The following SAMD5 variants were observed in gnomAD, a reference collection of about 807,000 sequenced individuals.
The protein encoded by SAMD5 is sterile alpha motif domain containing 5, also known as sterile alpha motif domain-containing protein 5.
In SAMD5, 13 loss-of-function variants were observed where a neutral mutation model predicts 11.3. The observed-to-expected ratio is 1.15, with a 90% CI of 0.75 to 1.83. The LOEUF is 1.83. Among genes scored for constraint, SAMD5 ranks in the 40% most tolerant of loss-of-function variants. The probability of loss-of-function intolerance (pLI) is 0.00; values close to 1 mark genes in which losing one functional copy is unlikely to be tolerated. For missense variants in SAMD5, 255 were observed against 239.1 expected, an observed-to-expected ratio of 1.07 and a Z score of -0.44; for synonymous variants, 129 against 111.3, an observed-to-expected ratio of 1.16 and a Z score of -1.00.
At chr6:147,540,506 G>C (rs1788582739) in intron 1 of SAMD5, among the ~76,000 whole-genome samples, 1 of 152,184 alleles carries the variant, frequency 6.6e-6, no homozygotes, top group Non-Finnish European at 1.5e-5. Flanking sequence ...GAACAAGACA[G>C]AGGAATTTCA....
chr6:147,921,425 C>A, the SAMD5 span, among the ~76,000 whole-genome samples: 1 of 152,218 alleles, frequency 6.6e-6, no homozygotes. Context: ...TTAGTGCCGC[C>A]ACCACAGCCC....
At chr6:147,652,625 T>G (rs1230672571) in intron 1 of SAMD5, among the ~76,000 whole-genome samples, 1 of 152,176 alleles carries the variant, frequency 6.6e-6, no homozygotes, top group Non-Finnish European at 1.5e-5. Flanking sequence ...GCTCCTCATC[T>G]CGGATCCCTA....
At chr6:147,765,455 C>G in the SAMD5 span, among the ~76,000 whole-genome samples, 1 of 152,128 alleles carries the variant, frequency 6.6e-6, no homozygotes, top group Non-Finnish European at 1.5e-5. Flanking sequence ...CCTCTTCAAA[C>G]CCACCTAACA....
intron 1 of SAMD5, among the ~76,000 whole-genome samples, chr6:147,583,674 T>G (rs1789333002): frequency 6.6e-6 from 1 of 152,156 alleles, no homozygotes; most frequent in African/African-American, 2.4e-5. Context: ...TGTACTGAAA[T>G]GAGAAAATAC....
chr6:147,603,439 C>T (rs1336243849), intron 1 of SAMD5, among the ~76,000 whole-genome samples: 2 of 152,136 alleles, frequency 1.3e-5, no homozygotes, highest in East Asian at 1.9e-4. Flanking sequence ...TAGAGTCAGA[C>T]ATTCCCCAAA....
chr6:147,920,822 C>T, the SAMD5 span, among the ~76,000 whole-genome samples: 4 of 152,040 alleles, frequency 2.6e-5, no homozygotes, highest in South Asian at 2.1e-4. Context: ...AGGAACAATA[C>T]GAAAACACTG....
the SAMD5 span, among the ~76,000 whole-genome samples, chr6:147,747,188 T>C: frequency 6.6e-6 from 1 of 152,148 alleles, no homozygotes; most frequent in East Asian, 1.9e-4. Flanking sequence ...TCTCACAACA[T>C]TTGAATATGA....
At chr6:147,918,751 G>A in the SAMD5 span, among the ~76,000 whole-genome samples, 1 of 138,256 alleles carries the variant, frequency 7.2e-6, no homozygotes, top group Non-Finnish European at 1.5e-5. Context: ...AGGCTGAAAT[G>A]CAGTGGCGTG....
intron 1 of SAMD5, among the ~76,000 whole-genome samples, chr6:147,710,079 T>C (rs1562357222): frequency 6.6e-6 from 1 of 152,214 alleles, no homozygotes; most frequent in Non-Finnish European, 1.5e-5. Flanking sequence ...CAGTCAGAAA[T>C]ACCTGCAGTT....
At chr6:147,935,089 A>G in the SAMD5 span, among the ~76,000 whole-genome samples, 1 of 152,302 alleles carries the variant, frequency 6.6e-6, no homozygotes, top group East Asian at 1.9e-4. Context: ...GTGATTTAGC[A>G]AACGTACAGC....
At chr6:147,742,867 T>C in the SAMD5 span, among the ~76,000 whole-genome samples, 13 of 152,182 alleles carry the variant, frequency 8.5e-5, no homozygotes, top group Non-Finnish European at 1.6e-4. Context: ...AGTAGAAAAA[T>C]AATAAATGAT....
At chr6:147,552,983 G>C (rs988061006) in intron 1 of SAMD5, among the ~76,000 whole-genome samples, 1 of 152,196 alleles carries the variant, frequency 6.6e-6, no homozygotes, top group Non-Finnish European at 1.5e-5. Flanking sequence ...ATGTGTCTAA[G>C]TATCTATGCC....
the SAMD5 span, among the ~76,000 whole-genome samples, chr6:147,831,860 C>T: frequency 2.0e-5 from 3 of 152,052 alleles, no homozygotes; most frequent in African/African-American, 7.3e-5. Flanking sequence ...GCTGTCAGAG[C>T]AAGACTCTTT....
chr6:147,854,942 G>A, the SAMD5 span, among the ~76,000 whole-genome samples: 1 of 152,128 alleles, frequency 6.6e-6, no homozygotes, highest in Admixed American at 6.6e-5. Flanking sequence ...AACAAAATTA[G>A]CCTAACTGAA....
chr6:147,762,392 T>C, the SAMD5 span, among the ~76,000 whole-genome samples: 1 of 151,782 alleles, frequency 6.6e-6, no homozygotes, highest in Non-Finnish European at 1.5e-5. Context: ...AGAGACGGGG[T>C]GTCACCATGT....
the SAMD5 span, among the ~76,000 whole-genome samples, chr6:147,933,798 A>G: frequency 6.6e-6 from 1 of 152,200 alleles, no homozygotes; most frequent in Non-Finnish European, 1.5e-5. Context: ...AGCAGAGAAA[A>G]TGCATTGGGT....
intron 1 of SAMD5, among the ~76,000 whole-genome samples, chr6:147,726,043 T>A (rs939470314): frequency 7.9e-5 from 12 of 152,170 alleles, no homozygotes; most frequent in Non-Finnish European, 1.2e-4. Flanking sequence ...AAATTACTTC[T>A]TTTCCTCTGA....
intron 1 of SAMD5, among the ~76,000 whole-genome samples, chr6:147,728,157 G>A (rs13219474): frequency 0.095 from 3,888 of 40,832 alleles, 83 homozygotes; most frequent in Non-Finnish European, 0.17. Flanking sequence ...TGGGCCCAGC[G>A]GCTCACACCT....
the SAMD5 span, among the ~76,000 whole-genome samples, chr6:147,768,607 C>T: frequency 2.0e-5 from 3 of 151,248 alleles, no homozygotes; most frequent in East Asian, 1.9e-4. Context: ...ATGTGCCAAA[C>T]ACTGTGCTAA....
Sources: allele counts gnomAD v4.1 joint callset (sites outside exome capture counted in the v4.1 genomes callset), GRCh38; gene constraint gnomAD v4.1.1; transcripts MANE v1.5; gene names NCBI Gene and HGNC (gene_info 2026-07-23, HGNC 2026-07-21).